SLC4A7: variants seen among roughly 807,000 people sequenced by gnomAD.
SLC4A7 encodes sodium bicarbonate cotransporter 3.
Under a neutral mutation model 137.6 loss-of-function variants are expected in SLC4A7, and 51 were observed. The ratio of observed to expected loss-of-function variants is 0.37; its 90% CI spans 0.30 to 0.47. SLC4A7 has a LOEUF of 0.47. SLC4A7 is among the 20% of genes least tolerant of loss of function. The pLI is 1.00. For synonymous variants in SLC4A7, 542 were observed against 518.6 expected, an observed-to-expected ratio of 1.05 and a Z score of -0.61; for missense variants, 1,247 against 1,525.4, an observed-to-expected ratio of 0.82 and a Z score of 3.04.
At chr3:27,444,781 ATCTG>A (rs1478915592) in intron 3 of SLC4A7, among the ~76,000 whole-genome samples, 2 of 151,946 alleles carry the variant, frequency 1.3e-5, no homozygotes, top group African/African-American at 4.8e-5. Flanking sequence ...CCATTTCTGG[ATCTG>A]TCTTATTATT....
intron 1 of SLC4A7, among the ~76,000 whole-genome samples, chr3:27,468,383 A>C (rs2059096090): frequency 6.6e-6 from 1 of 152,232 alleles, no homozygotes; most frequent in African/African-American, 2.4e-5. Flanking sequence ...TATGCAATGC[A>C]ATTTGTCAAC....
chr3:27,436,200 C>T (rs1559762156), intron 5 of SLC4A7, among the ~76,000 whole-genome samples, 188 bp downstream of exon 5: 2 of 152,200 alleles, frequency 1.3e-5, no homozygotes, highest in African/African-American at 4.8e-5. Flanking sequence ...CCACTATTCA[C>T]TCTCTTACTG....
chr3:27,408,646 T>A (rs2053615310), intron 13 of SLC4A7, among the ~76,000 whole-genome samples: 1 of 152,216 alleles, frequency 6.6e-6, no homozygotes, highest in African/African-American at 2.4e-5. Flanking sequence ...AATCGTCTCA[T>A]TTAAATGCCA....
At chr3:27,481,614 C>A (rs1370302283) in intron 1 of SLC4A7, among the ~76,000 whole-genome samples, 2 of 152,180 alleles carry the variant, frequency 1.3e-5, no homozygotes, top group African/African-American at 2.4e-5. Flanking sequence ...GTTTTCAAAT[C>A]AGTTCAACCT....
intron 11 of SLC4A7, among the ~76,000 whole-genome samples, chr3:27,414,552 TC>T (rs1330533965): frequency 1.3e-5 from 2 of 152,356 alleles, no homozygotes; most frequent in South Asian, 4.1e-4. Flanking sequence ...ATTTCATTTC[TC>T]TAAAAATGTG....
Position 27,395,056 on chromosome 3 carries a change from G to A in SLC4A7, c.2763C>T (p.Thr921=). 6.2e-7 allele frequency: 1 copy of A among 1,612,088 alleles called. No individual in the cohort carries two copies. The highest frequency in any genetic ancestry group is 8.5e-7 in the Non-Finnish European group (1 of 1,179,132). Residue 921 remains threonine, a synonymous_variant, in exon 19 of 26, where the codon ACC becomes ACT. Coordinates refer to ENST00000454389, the MANE Select transcript of SLC4A7 (RefSeq NM_001321103.2). The part of the protein sequence containing the change: ...ISPLGDNPWW[T]LLIAAIPALL... ...AAGCAGGAATAGCAGCTATTAATAA[G>A]GTCCACCAAGGATTATCTCCCAGTG... is the stretch of plus-strand genomic sequence containing the variant.
chr3:27,425,342 C>A (rs1453463261), intron 7 of SLC4A7, among the ~76,000 whole-genome samples: 3 of 131,748 alleles, frequency 2.3e-5, no homozygotes, highest in Non-Finnish European at 1.6e-5. Flanking sequence ...TGCACTCCAG[C>A]CTGGGCAACG....
At chr3:27,482,992 C>A (rs1041486611) in intron 1 of SLC4A7, among the ~76,000 whole-genome samples, 2 of 152,198 alleles carry the variant, frequency 1.3e-5, no homozygotes, top group African/African-American at 2.4e-5. Flanking sequence ...GGAAAGCCGG[C>A]AGGCAGTTTT....
At position 27,375,238 on chromosome 3, in the gene SLC4A7, A is replaced by G. The variant is rs2049823285; in HGVS notation, c.*1526T>C. The G allele has an allele frequency of 6.6e-6, 1 of 152,024 alleles. No homozygotes were observed. The highest frequency in any genetic ancestry group is 1.5e-5 in the Non-Finnish European group (1 of 67,866). 9.4% of individuals were successfully genotyped at this position (152,024 alleles called of 1,614,324 possible). Reference sequence around the variant, plus strand: ...TTATGTATACCTTTGTAATTTAATTATATGGTTAAAGGGAGCATTGGAATT... The same window carrying G: ...TTATGTATACCTTTGTAATTTAATTGTATGGTTAAAGGGAGCATTGGAATT... On this transcript the variant is annotated 3_prime_UTR_variant, in exon 26 of 26. Coordinates refer to ENST00000454389, the MANE Select transcript of SLC4A7 (RefSeq NM_001321103.2).
chr3:27,468,825 G>A (rs530412870), intron 1 of SLC4A7, among the ~76,000 whole-genome samples: 3 of 152,122 alleles, frequency 2.0e-5, no homozygotes, highest in East Asian at 1.9e-4. Context: ...GAAATACTAG[G>A]AGTGGGGCGT....
chr3:27,431,301 G>A lies in SLC4A7; in HGVS notation c.1147C>T (p.Pro383Ser), dbSNP rs2056253273. The A allele has an allele frequency of 1.3e-6, 2 of 1,574,594 alleles. No homozygotes were observed. The highest frequency in any genetic ancestry group is 1.7e-6 in the Non-Finnish European group (2 of 1,159,134). ...ATGGAGGATTTTGGATAGTTGCCTG[G>A]AGTTAAGTCAACATTTTCCTCATTC... ...QKNEENVDLT[P>S]GILASPQSAP... The change falls in exon 7 of 26, where the codon CCA (proline) becomes TCA (serine). Residue 383 changes from proline to serine, a missense_variant. Physicochemically the swap from Pro to Ser is moderately conservative, Grantham distance 74 (BLOSUM62 -1). This residue lies in a region of SLC4A7 where 499 missense variants were observed against 664.2 expected (regional missense o/e 0.75). Transcript: ENST00000454389.
At chr3:27,468,516 G>C (rs2059102675) in intron 1 of SLC4A7, among the ~76,000 whole-genome samples, 1 of 152,122 alleles carries the variant, frequency 6.6e-6, no homozygotes, top group South Asian at 2.1e-4. Flanking sequence ...GCTGCACTGT[G>C]CTATGAAGCC....
chr3:27,406,478 C>T lies in SLC4A7; in HGVS notation c.1942-1515G>A, dbSNP rs148860563. ...TTTTGGCAGCATAAAGGAGAAGTGT[C>T]CGTGTTAATGACACATTTGTTAATT... On this transcript the variant is annotated intron_variant, in intron 13 of 25. Coordinates refer to ENST00000454389, the MANE Select transcript of SLC4A7 (RefSeq NM_001321103.2). Among the ~76,000 whole-genome samples, 242 of 152,276 alleles carry T rather than the reference C, an allele frequency of 1.6e-3. 1 individual carries two copies. Among genetic ancestry groups the T allele is most frequent in the Admixed American group, 2.8e-3 (43 of 15,302 alleles).
rs150029104 is a variant in SLC4A7 at position 27,405,832 on chromosome 3, T to A, written c.1942-869A>T. On this transcript the variant is annotated intron_variant, in intron 13 of 25. Coordinates refer to ENST00000454389, the MANE Select transcript of SLC4A7 (RefSeq NM_001321103.2). ...ATCACTAAAGTTTGGCAAGAAAAGA[T>A]AGAGAAAATGAAAGACTAAGAGAAT... Among the ~76,000 whole-genome samples the A allele has an allele frequency of 3.5e-3, 533 of 152,148 alleles. 1 individual carries two copies. Among genetic ancestry groups the A allele is most frequent in the African/African-American group, 0.012 (498 of 41,500 alleles).
At chr3:27,395,141 CAA>C (rs1386666742) in intron 18 of SLC4A7, 26 bp from the exon 19 acceptor site, 2 of 1,529,934 alleles carry the variant, frequency 1.3e-6, no homozygotes, top group Admixed American at 2.2e-5. Flanking sequence ...ATATAATTTT[CAA>C]AAAGTCTCCT....
At chr3:27,422,227 C>T (rs948371955) in intron 8 of SLC4A7, among the ~76,000 whole-genome samples, 2 of 152,258 alleles carry the variant, frequency 1.3e-5, no homozygotes, top group Admixed American at 1.3e-4. Context: ...GGGCATTTCC[C>T]AGTCTTTTCA....
chr3:27,476,983 A>T (rs2059489481), intron 1 of SLC4A7, among the ~76,000 whole-genome samples: 1 of 152,226 alleles, frequency 6.6e-6, no homozygotes, highest in Non-Finnish European at 1.5e-5. Flanking sequence ...ATCCCCAGCC[A>T]TCAGGGAATC....
chr3:27,437,612 T>C (rs1465985073), intron 3 of SLC4A7, 86 bp from the exon 4 acceptor site: 2 of 740,392 alleles, frequency 2.7e-6, no homozygotes, highest in Admixed American at 3.3e-5. Flanking sequence ...TGAAACACTT[T>C]TGTTACCTGT....
chr3:27,484,085 G>T lies in SLC4A7; in HGVS notation c.42C>A (p.Leu14=). Residue 14 remains leucine, a synonymous_variant, in exon 1 of 26, where the codon CTC becomes CTA. Transcript: ENST00000454389. The part of the protein sequence containing the change: ...DGAGEQMRPL[L]TRVTSRGPDE... Reference sequence around the variant, plus strand: ...CCCTCACCCTGCTCGTTACCCGGGTGAGTAGCGGTCTCATCTGCTCGCCGG... The same window carrying T: ...CCCTCACCCTGCTCGTTACCCGGGTTAGTAGCGGTCTCATCTGCTCGCCGG... The T allele has an allele frequency of 2.8e-6, 4 of 1,410,742 alleles. 1 individual carries two copies. The highest frequency in any genetic ancestry group is 3.7e-6 in the Non-Finnish European group (4 of 1,078,624). 87.4% of individuals were successfully genotyped at this position (1,410,742 alleles called of 1,614,324 possible).
Sources: allele counts gnomAD v4.1 joint callset (sites outside exome capture counted in the v4.1 genomes callset), GRCh38; gene constraint gnomAD v4.1.1; regional missense constraint gnomAD v4.1.1; transcripts MANE v1.5; gene names NCBI Gene and HGNC (gene_info 2026-07-23, HGNC 2026-07-21).